NCKAP1: variants seen among roughly 807,000 people sequenced by gnomAD.
NCKAP1 encodes the protein NCK associated protein 1.
A neutral mutation model predicts 151.2 loss-of-function variants in NCKAP1; 21 were observed. That is an observed-to-expected ratio of 0.14 (90% CI 0.10 to 0.20). The LOEUF (loss-of-function observed/expected upper bound fraction) is 0.20. NCKAP1 is among the 10% of genes least tolerant of loss of function. The pLI is 1.00. For missense variants in NCKAP1, 933 were observed against 1,352.1 expected (o/e 0.69, Z 4.86); for synonymous variants, 484 against 451.8 (o/e 1.07, Z -0.90).
At chr2:182,988,328 T>C (rs1292264204) in intron 9 of NCKAP1, among the ~76,000 whole-genome samples, 2 of 152,216 alleles carry the variant, frequency 1.3e-5, no homozygotes, top group Non-Finnish European at 2.9e-5. Context: ...CAAATTTCAC[T>C]GTTATCTGAA....
At chr2:182,931,747 T>A (rs1029050168) in intron 26 of NCKAP1, among the ~76,000 whole-genome samples, 2 of 152,148 alleles carry the variant, frequency 1.3e-5, no homozygotes, top group African/African-American at 4.8e-5. Flanking sequence ...AATCTGTTAA[T>A]GGACTTGTAT....
intron 8 of NCKAP1, among the ~76,000 whole-genome samples, chr2:182,992,981 A>G (rs1046994189): frequency 1.3e-5 from 2 of 152,202 alleles, no homozygotes; most frequent in African/African-American, 4.8e-5. Flanking sequence ...AATCCAAAAA[A>G]TATTAAAGAA....
intron 1 of NCKAP1, among the ~76,000 whole-genome samples, chr2:183,034,839 T>C (rs1699072618): frequency 6.6e-6 from 1 of 152,164 alleles, no homozygotes; most frequent in African/African-American, 2.4e-5. Flanking sequence ...AGAGCTGGAA[T>C]AGACTTTAGT....
intron 11 of NCKAP1, 26 bp from the exon 12 acceptor site, chr2:182,982,953 T>G: frequency 6.6e-7 from 1 of 1,510,020 alleles, no homozygotes; most frequent in South Asian, 1.2e-5. Flanking sequence ...TAAGTGTTTA[T>G]TCTTATTCAA....
chr2:183,024,353 T>C (rs937382688), intron 1 of NCKAP1, among the ~76,000 whole-genome samples: 16 of 152,202 alleles, frequency 1.1e-4, no homozygotes, highest in African/African-American at 3.9e-4. Flanking sequence ...CTCATTCACT[T>C]TAAACATTTT....
chr2:182,934,573 C>G (rs1464015333), intron 26 of NCKAP1, 179 bp downstream of exon 26: 3 of 486,516 alleles, frequency 6.2e-6, no homozygotes, highest in Non-Finnish European at 7.2e-6. Context: ...TTTCAAAATG[C>G]CTAGGTAGTA....
chr2:183,033,374 C>T (rs762977903), intron 1 of NCKAP1, among the ~76,000 whole-genome samples: 1 of 152,218 alleles, frequency 6.6e-6, no homozygotes, highest in Non-Finnish European at 1.5e-5. Context: ...TCTATTCATA[C>T]TTCAAAACCA....
rs1262416501 is a variant in NCKAP1, at chr2:182,942,055, T to G, written c.2695+15A>C. 2 of 1,589,110 alleles carry G rather than the reference T, an allele frequency of 1.3e-6. No individual in the cohort carries two copies. Among genetic ancestry groups the G allele is most frequent in the African/African-American group, 2.7e-5 (2 of 74,020 alleles). The stretch of plus-strand genomic sequence containing the variant: ...GATCTTCTTATGTTTATAAAAAGTA[T>G]CATGAGTTACCCACATGATAATCTT... On this transcript the variant is annotated intron_variant, in intron 24 of 30. Transcript: ENST00000361354.
chr2:182,951,636 C>CAAAAAAAAAAAA (rs11336221), intron 23 of NCKAP1, among the ~76,000 whole-genome samples: 21 of 90,644 alleles, frequency 2.3e-4, no homozygotes, highest in Non-Finnish European at 3.6e-4. Context: ...GACTCCATCT[C>CAAAAAAAAAAAA]AAAAAAAAAA....
intron 6 of NCKAP1, among the ~76,000 whole-genome samples, chr2:182,996,459 T>G (rs1333351604): frequency 6.6e-6 from 1 of 151,888 alleles, no homozygotes; most frequent in Non-Finnish European, 1.5e-5. Context: ...CTGTAAAGAG[T>G]GATTCTTTTT....
chr2:182,910,948 G>GCACCAC lies in NCKAP1; in HGVS notation c.*14753_*14754insGTGGTG, dbSNP rs5836857. On this transcript the variant is annotated 3_prime_UTR_variant, in exon 31 of 31. Transcript: ENST00000361354. ...CTTGGAAATAAAAATAAAATCCTAA[G>GCACCAC]CTCCCCCCCCACATTTGACTAAACA... 1 of 117,816 alleles carries GCACCAC rather than the reference G, an allele frequency of 8.5e-6. No individual in the cohort carries two copies. The highest frequency in any genetic ancestry group is 3.4e-4 in the East Asian group (1 of 2,952). The allele number at this position is 117,816 out of a possible 1,614,324, so 7.3% of individuals were successfully genotyped here.
intron 2 of NCKAP1, among the ~76,000 whole-genome samples, chr2:183,013,149 T>C (rs544102816): frequency 2.6e-5 from 4 of 152,122 alleles, no homozygotes; most frequent in Admixed American, 6.5e-5. Flanking sequence ...AGATGATTAT[T>C]CCATTCCTTT....
rs1696432477 is a variant in NCKAP1 at position 182,913,976 on chromosome 2, C to G, written c.*11726G>C. 1 of 152,242 alleles carries G rather than the reference C, an allele frequency of 6.6e-6. No homozygotes were observed. Among genetic ancestry groups the G allele is most frequent in the Admixed American group, 6.5e-5 (1 of 15,282 alleles). 9.4% of individuals were successfully genotyped at this position (152,242 alleles called of 1,614,324 possible). Reference sequence around the variant, plus strand: ...TTGGTTCTAACTTAGTGAGAAAACTCTGATAAGAACCCACCATTTACAAGC... The same window carrying G: ...TTGGTTCTAACTTAGTGAGAAAACTGTGATAAGAACCCACCATTTACAAGC... On this transcript the variant is annotated 3_prime_UTR_variant, in exon 31 of 31. Coordinates refer to ENST00000361354, the MANE Select transcript of NCKAP1 (RefSeq NM_013436.5).
intron 11 of NCKAP1, 65 bp downstream of exon 11, chr2:182,983,221 A>T: frequency 7.7e-7 from 1 of 1,293,534 alleles, no homozygotes; most frequent in Non-Finnish European, 1.1e-6. Flanking sequence ...GTAAAATTTC[A>T]CTTAGAAACG....
At chr2:182,932,452 G>A (rs1329763556) in intron 26 of NCKAP1, among the ~76,000 whole-genome samples, 1 of 152,064 alleles carries the variant, frequency 6.6e-6, no homozygotes, top group Non-Finnish European at 1.5e-5. Context: ...GGCTGGGGAT[G>A]GGGGAGAAGT....
At chr2:183,007,745 CA>C (rs1283228415) in intron 2 of NCKAP1, among the ~76,000 whole-genome samples, 4 of 152,134 alleles carry the variant, frequency 2.6e-5, no homozygotes, top group African/African-American at 9.7e-5. Context: ...CCAGGCTGCT[CA>C]AAGTAAGAGT....
chr2:183,008,439 C>A (rs955394891), intron 2 of NCKAP1, among the ~76,000 whole-genome samples: 1 of 152,166 alleles, frequency 6.6e-6, no homozygotes, highest in Non-Finnish European at 1.5e-5. Flanking sequence ...ATTACCAGTG[C>A]CTCAGAATAA....
chr2:183,028,309 C>A (rs1277187329), intron 1 of NCKAP1, among the ~76,000 whole-genome samples: 1 of 152,056 alleles, frequency 6.6e-6, no homozygotes, highest in African/African-American at 2.4e-5. Context: ...TTTACTTTAT[C>A]TTGAGTCAGC....
chr2:182,991,456 G>A (rs1698169342), intron 8 of NCKAP1, among the ~76,000 whole-genome samples: 1 of 152,184 alleles, frequency 6.6e-6, no homozygotes, highest in Non-Finnish European at 1.5e-5. Context: ...CTATATGGGA[G>A]GGTGAGGCAG....
Sources: gnomAD v4.1 joint callset for allele counts (sites outside exome capture counted in the v4.1 genomes callset) on GRCh38, gnomAD v4.1.1 for gene constraint, MANE v1.5 for transcripts, NCBI Gene and HGNC (gene_info 2026-07-23, HGNC 2026-07-21) for gene names.